The following BMPR1A variants were observed in gnomAD, a reference collection of about 807,000 sequenced individuals.
BMPR1A encodes the protein bone morphogenetic protein receptor type-1A.
In BMPR1A, 7 loss-of-function variants were observed where a neutral mutation model predicts 66.0. The observed-to-expected ratio is 0.11, with a 90% CI of 0.06 to 0.20. The LOEUF (loss-of-function observed/expected upper bound fraction) is 0.20. Among genes scored for constraint, BMPR1A ranks in the 10% least tolerant of loss-of-function variants. BMPR1A has a pLI of 1.00. For synonymous variants in BMPR1A, 200 were observed against 229.7 expected, an observed-to-expected ratio of 0.87 and a Z score of 1.17; for missense variants, 408 against 669.1, an observed-to-expected ratio of 0.61 and a Z score of 4.31.
rs551442384 is a variant in BMPR1A at position 86,926,507 on chromosome 10, G to A, written c.*2788G>A. 9 of 166,706 alleles carry A rather than the reference G, an allele frequency of 5.4e-5. No homozygotes were observed. Among genetic ancestry groups the A allele is most frequent in the East Asian group, 3.6e-4 (3 of 8,348 alleles). 10.3% of individuals were successfully genotyped at this position (166,706 alleles called of 1,614,324 possible). A position where few individuals can be genotyped will look rare whatever the true frequency, so the allele number is the denominator to read the frequency against. On this transcript the variant is annotated 3_prime_UTR_variant, in exon 13 of 13. Transcript: ENST00000372037. The stretch of plus-strand genomic sequence containing the variant: ...TGCACTCCAGCCTGGGCAAAAGAGC[G>A]AAACTCCATCTCAAATAAACAAACA...
Position 86,815,456 on chromosome 10 carries a change from A to T in BMPR1A, c.-267-23409A>T, listed in dbSNP as rs562990778. Among the ~76,000 whole-genome samples, 10 of 152,232 alleles carry T rather than the reference A, an allele frequency of 6.6e-5. No homozygotes were observed. The East Asian group carries it at 1.4e-3, about 21-fold the overall frequency. On this transcript the variant is annotated intron_variant, in intron 1 of 12. Coordinates refer to ENST00000372037, the MANE Select transcript of BMPR1A (RefSeq NM_004329.3). ...GGCTTCATCAGGGCTTGTCCACTTC[A>T]ACCCTTACGCTATAGGCCCTTTGCA...
At chr10:86,807,942 T>G (rs1299922553) in intron 1 of BMPR1A, among the ~76,000 whole-genome samples, 1 of 152,190 alleles carries the variant, frequency 6.6e-6, no homozygotes, top group African/African-American at 2.4e-5. Context: ...AATTTTTGTA[T>G]TTTTAGTAGA....
At chr10:86,820,805 T>A (rs897167062) in intron 1 of BMPR1A, among the ~76,000 whole-genome samples, 7 of 152,336 alleles carry the variant, frequency 4.6e-5, no homozygotes, top group Middle Eastern at 3.4e-3. Flanking sequence ...GCAACCCCAA[T>A]AGCAGATTTA....
At chr10:86,774,003 A>T (rs1338436286) in intron 1 of BMPR1A, among the ~76,000 whole-genome samples, 1 of 151,868 alleles carries the variant, frequency 6.6e-6, no homozygotes, top group Non-Finnish European at 1.5e-5. Context: ...GGCGTCTGCC[A>T]CTACACCTGG....
intron 2 of BMPR1A, among the ~76,000 whole-genome samples, chr10:86,850,332 A>C (rs1441497485): frequency 1.3e-5 from 2 of 151,930 alleles, no homozygotes; most frequent in Non-Finnish European, 2.9e-5. Flanking sequence ...AAAAAAAAAA[A>C]CAGTTCATTG....
At chr10:86,785,400 G>A (rs1236713097) in intron 1 of BMPR1A, among the ~76,000 whole-genome samples, 3 of 152,194 alleles carry the variant, frequency 2.0e-5, no homozygotes, top group Non-Finnish European at 4.4e-5. Flanking sequence ...GCGCCTCCTG[G>A]GTTCAAGTGA....
chr10:86,791,730 T>TTCCCTCCC (rs1554879051), intron 1 of BMPR1A, among the ~76,000 whole-genome samples: 1 of 80,472 alleles, frequency 1.2e-5, no homozygotes, highest in African/African-American at 4.9e-5. Context: ...CCTTCCTTCC[T>TTCCCTCCC]TCCCTCCCTC....
chr10:86,874,563 A>T (rs542144480), intron 2 of BMPR1A, among the ~76,000 whole-genome samples: 1 of 149,902 alleles, frequency 6.7e-6, no homozygotes, highest in African/African-American at 2.5e-5. Context: ...CTGCCACCAC[A>T]CCTGGCTAAT....
At chr10:86,893,711 C>T (rs1485487768) in intron 5 of BMPR1A, among the ~76,000 whole-genome samples, 1 of 151,796 alleles carries the variant, frequency 6.6e-6, no homozygotes, top group East Asian at 1.9e-4. Flanking sequence ...TGGCATGAAC[C>T]CGGGAGGTGG....
chr10:86,828,823 C>T (rs1247173315), intron 1 of BMPR1A, among the ~76,000 whole-genome samples: 3 of 151,832 alleles, frequency 2.0e-5, no homozygotes, highest in South Asian at 2.1e-4. Flanking sequence ...CTCTACTGGC[C>T]GAATTGGATT....
chr10:86,780,732 C>T, intron 1 of BMPR1A, among the ~76,000 whole-genome samples: 2 of 151,902 alleles, frequency 1.3e-5, no homozygotes, highest in Non-Finnish European at 2.9e-5. Flanking sequence ...AGCCACCACG[C>T]CTGGCTAAGG....
At chr10:86,889,085 A>G (rs947283696) in intron 3 of BMPR1A, among the ~76,000 whole-genome samples, 3 of 152,186 alleles carry the variant, frequency 2.0e-5, no homozygotes, top group South Asian at 4.1e-4. Flanking sequence ...AGTAACCCAC[A>G]AAGAATGGCC....
At chr10:86,875,679 C>A (rs187843187) in intron 2 of BMPR1A, among the ~76,000 whole-genome samples, 188 bp from the exon 3 acceptor site, 3 of 151,332 alleles carry the variant, frequency 2.0e-5, no homozygotes, top group Admixed American at 6.6e-5. Flanking sequence ...AGGTTGCAGC[C>A]TATTAACTAA....
intron 1 of BMPR1A, among the ~76,000 whole-genome samples, chr10:86,772,990 T>G (rs1841287936): frequency 6.6e-6 from 1 of 152,176 alleles, no homozygotes; most frequent in Non-Finnish European, 1.5e-5. Context: ...TTTAAGAATT[T>G]GTGCAAATAA....
chr10:86,917,445 A>G lies in BMPR1A; in HGVS notation c.868+119A>G, dbSNP rs1843591780. The G allele has an allele frequency of 7.5e-6, 9 of 1,198,672 alleles. No individual in the cohort carries two copies. The Admixed American group carries it at 1.6e-4, about 21-fold the overall frequency. 74.3% of individuals were successfully genotyped at this position (1,198,672 alleles called of 1,614,324 possible). ...CAACTATATACATTTGGCTAAAGGA[A>G]ACCTAGTAGAATACACGGTTTGAAT... On this transcript the variant is annotated intron_variant, in intron 9 of 12. Coordinates refer to ENST00000372037, the MANE Select transcript of BMPR1A (RefSeq NM_004329.3).
intron 1 of BMPR1A, among the ~76,000 whole-genome samples, chr10:86,766,369 G>A (rs754434868): frequency 1.3e-5 from 2 of 152,022 alleles, no homozygotes; most frequent in African/African-American, 2.4e-5. Flanking sequence ...TACCAGTTTC[G>A]TGTTAATGAA....
intron 1 of BMPR1A, among the ~76,000 whole-genome samples, chr10:86,772,048 C>T (rs904833560): frequency 6.1e-5 from 9 of 146,788 alleles, no homozygotes; most frequent in African/African-American, 2.4e-4. Context: ...TTCCCACATA[C>T]CTTCTTTAAA....
At chr10:86,840,963 T>G (rs1033804323) in intron 2 of BMPR1A, among the ~76,000 whole-genome samples, 6 of 152,238 alleles carry the variant, frequency 3.9e-5, no homozygotes, top group African/African-American at 1.2e-4. Flanking sequence ...CTTGTGCTGC[T>G]TCTCGCTCCT....
intron 4 of BMPR1A, among the ~76,000 whole-genome samples, 195 bp from the exon 5 acceptor site, chr10:86,891,932 A>C (rs1843155138): frequency 6.6e-6 from 1 of 152,264 alleles, no homozygotes; most frequent in African/African-American, 2.4e-5. Flanking sequence ...CTGGCCTTTT[A>C]GATCTTGGCT....
Sources: allele counts gnomAD v4.1 joint callset (sites outside exome capture counted in the v4.1 genomes callset), GRCh38; gene constraint gnomAD v4.1.1; transcripts MANE v1.5; gene names NCBI Gene and HGNC (gene_info 2026-07-23, HGNC 2026-07-21).